SDK2: variants seen among roughly 807,000 people sequenced by gnomAD.
SDK2 encodes protein sidekick-2.
SDK2 carries 105 observed loss-of-function variants against 253.9 expected under a neutral mutation model. The observed-to-expected ratio is 0.41, with a 90% CI of 0.35 to 0.49. The LOEUF (loss-of-function observed/expected upper bound fraction) is 0.49. SDK2 is among the 20% of genes least tolerant of loss of function. SDK2 has a pLI of 0.06. For missense variants in SDK2, 2,608 were observed against 3,003.0 expected, an observed-to-expected ratio of 0.87 and a Z score of 3.07; for synonymous variants, 1,249 against 1,234.9, an observed-to-expected ratio of 1.01 and a Z score of -0.24.
intron 37 of SDK2, among the ~76,000 whole-genome samples, chr17:73,365,914 C>G (rs1049389359): frequency 3.3e-5 from 5 of 152,198 alleles, no homozygotes; most frequent in Admixed American, 3.3e-4. Flanking sequence ...CCCACGCAGT[C>G]AGGGGGAGCC....
Position 73,419,326 on chromosome 17 carries a change from T to C in SDK2, c.2046-20A>G. 1.2e-6 allele frequency: 2 copies of C among 1,607,756 alleles called. No homozygotes were observed. Among genetic ancestry groups the C allele is most frequent in the Admixed American group, 1.7e-5 (1 of 59,582 alleles). On this transcript the variant is annotated intron_variant, in intron 15 of 44. Transcript: ENST00000392650. The stretch of plus-strand genomic sequence containing the variant: ...GAGACCCTGGATCACAAAACACCAA[T>C]GCTCTTAGTCTTGGGGTCAAACACA...
intron 1 of SDK2, among the ~76,000 whole-genome samples, chr17:73,533,963 C>CGGCTTCA (rs1455588465): frequency 2.0e-5 from 3 of 152,112 alleles, no homozygotes; most frequent in Non-Finnish European, 4.4e-5. Context: ...AAACACAATG[C>CGGCTTCA]GGCAGCAGGA....
rs1307545667 is a variant in SDK2 at position 73,383,129 on chromosome 17, G to A, written c.4705+747C>T. Among the ~76,000 whole-genome samples the A allele has an allele frequency of 6.6e-6, 1 of 152,156 alleles. No individual in the cohort carries two copies. The highest frequency in any genetic ancestry group is 2.4e-5 in the African/African-American group (1 of 41,424). ...TCGGTCCACCCCGAGTCTGTGCCTC[G>A]GTTCCAACCTCCTGCTCTCTTGCCA... On this transcript the variant is annotated intron_variant, in intron 33 of 44. Coordinates refer to ENST00000392650, the MANE Select transcript of SDK2 (RefSeq NM_001144952.2). This position sits in a 1 kb window ranked among gnomAD's most constrained non-coding sequence, Gnocchi z 4.3.
intron 21 of SDK2, among the ~76,000 whole-genome samples, chr17:73,400,108 G>A (rs2063010075): frequency 6.6e-6 from 1 of 152,230 alleles, no homozygotes; most frequent in Admixed American, 6.5e-5. Context: ...GTGGAGGGAT[G>A]CTGGCAGGTC....
rs533579613 is a variant in SDK2 at position 73,467,825 on chromosome 17, A to C, written c.331+4287T>G. 2.9e-3 allele frequency among the ~76,000 whole-genome samples: 448 copies of C among 152,298 alleles called. 2 individuals are homozygous for C. Among genetic ancestry groups the C allele is most frequent in the Non-Finnish European group, 4.5e-3 (309 of 68,026 alleles). ...GACATTATGGAGGAAACAGCTTCAC[A>C]CCTGCAAAGCCGTGCACAGTAGCAG... is the stretch of plus-strand genomic sequence containing the variant. On this transcript the variant is annotated intron_variant, in intron 3 of 44. Coordinates refer to ENST00000392650, the MANE Select transcript of SDK2 (RefSeq NM_001144952.2). This position sits in a 1 kb window ranked among gnomAD's most constrained non-coding sequence, Gnocchi z 4.1.
intron 39 of SDK2, among the ~76,000 whole-genome samples, chr17:73,359,470 A>G (rs2145417454): frequency 6.6e-6 from 1 of 152,228 alleles, no homozygotes. Context: ...GGAGTATGGT[A>G]GGGCAGGCAG....
At chr17:73,589,569 G>A (rs765049597) in intron 1 of SDK2, among the ~76,000 whole-genome samples, 2 of 152,236 alleles carry the variant, frequency 1.3e-5, no homozygotes, top group Non-Finnish European at 2.9e-5. Flanking sequence ...GCAAAATGGG[G>A]ACATTGCTAC....
rs1248293954 is a variant in SDK2 at position 73,443,801 on chromosome 17, G to A, written c.614-2878C>T. Among the ~76,000 whole-genome samples the A allele has an allele frequency of 1.3e-5, 2 of 152,154 alleles. No individual in the cohort carries two copies. The highest frequency in any genetic ancestry group is 4.8e-5 in the African/African-American group (2 of 41,436). On this transcript the variant is annotated intron_variant, in intron 5 of 44. Transcript: ENST00000392650. The surrounding 1 kb of genome is among the most constrained non-coding windows in gnomAD (Gnocchi z 4.6). ...CTACTGAGTTTCAGTCTTCTCAGGGGGGAAATGGGGATGAAAGTCACTACC... is the reference window on the plus strand; with the variant it reads ...CTACTGAGTTTCAGTCTTCTCAGGGAGGAAATGGGGATGAAAGTCACTACC...
At chr17:73,543,549 C>T (rs981003550) in intron 1 of SDK2, among the ~76,000 whole-genome samples, 1 of 152,260 alleles carries the variant, frequency 6.6e-6, no homozygotes, top group African/African-American at 2.4e-5. Flanking sequence ...CTTCCCCAGA[C>T]TCTTCCGGCA....
rs1450214890 is a variant in SDK2, at chr17:73,455,867, A to ACCCCT, written c.479+34_479+38dup. The ACCCCT allele has an allele frequency of 1.3e-5, 19 of 1,498,008 alleles. No individual in the cohort carries two copies. In the African/African-American group the frequency reaches 2.7e-4, roughly 21 times the overall value. 92.8% of individuals were successfully genotyped at this position (1,498,008 alleles called of 1,614,324 possible). ...TGGCCCCAAACCTCCTCCCCCAGAC[A>ACCCCT]CCCCTCCCCTCCCCGTCCCCTCAGA... On this transcript the variant is annotated intron_variant, in intron 4 of 44. Coordinates refer to ENST00000392650, the MANE Select transcript of SDK2 (RefSeq NM_001144952.2). This position sits in a 1 kb window ranked among gnomAD's most constrained non-coding sequence, Gnocchi z 5.0.
chr17:73,580,950 T>C (rs2045526633), intron 1 of SDK2, among the ~76,000 whole-genome samples: 1 of 152,158 alleles, frequency 6.6e-6, no homozygotes, highest in South Asian at 2.1e-4. Flanking sequence ...TGGAGTGCAG[T>C]GGTATGAATA....
intron 18 of SDK2, among the ~76,000 whole-genome samples, chr17:73,405,384 G>A (rs1409516141): frequency 7.3e-5 from 9 of 122,508 alleles, no homozygotes; most frequent in Non-Finnish European, 1.5e-4. Flanking sequence ...AGGTTGCAGC[G>A]AGCCAAGATT....
At chr17:73,466,890 G>A (rs1489485708) in intron 3 of SDK2, among the ~76,000 whole-genome samples, 3 of 152,094 alleles carry the variant, frequency 2.0e-5, no homozygotes, top group Non-Finnish European at 4.4e-5. Context: ...GTCCAGAGAG[G>A]GGAAGGGAGG....
intron 1 of SDK2, among the ~76,000 whole-genome samples, chr17:73,522,741 C>T (rs1218291319): frequency 6.6e-6 from 1 of 152,192 alleles, no homozygotes; most frequent in Non-Finnish European, 1.5e-5. Context: ...GAACCTGGGG[C>T]CAGCAGCTGA....
At chr17:73,343,783 A>G (rs2062459791) in intron 44 of SDK2, among the ~76,000 whole-genome samples, 2 of 152,332 alleles carry the variant, frequency 1.3e-5, no homozygotes, top group South Asian at 4.2e-4. Context: ...AGGATCTGGC[A>G]CCAGACTCAG....
At chr17:73,470,516 G>A (rs767701155) in intron 3 of SDK2, among the ~76,000 whole-genome samples, 7 of 152,192 alleles carry the variant, frequency 4.6e-5, no homozygotes, top group Admixed American at 6.5e-5. Flanking sequence ...CTGACTAAGC[G>A]AAGCTCCCGG....
chr17:73,629,737 G>A lies in SDK2; in HGVS notation c.64+14288C>T, dbSNP rs575158923. Among the ~76,000 whole-genome samples the A allele has an allele frequency of 7.2e-5, 11 of 152,274 alleles. No homozygotes were observed. Among genetic ancestry groups the A allele is most frequent in the Admixed American group, 5.9e-4 (9 of 15,288 alleles). ...GTGAGCAATTTGAGGGCAAGGACCT[G>A]CCTTAGACTGGGCTGGATCCTGGGC... On this transcript the variant is annotated intron_variant, in intron 1 of 44. Transcript: ENST00000392650. The surrounding 1 kb of genome is among the most constrained non-coding windows in gnomAD (Gnocchi z 5.0).
Position 73,395,699 on chromosome 17 carries a change from G to GA in SDK2, c.3355-308dup, listed in dbSNP as rs1349962405. Among the ~76,000 whole-genome samples, 8 of 152,306 alleles carry GA rather than the reference G, an allele frequency of 5.3e-5. No individual in the cohort carries two copies. In the East Asian group the frequency reaches 1.5e-3, roughly 29 times the overall value. On this transcript the variant is annotated intron_variant, in intron 24 of 44. Transcript: ENST00000392650. The surrounding 1 kb of genome is among the most constrained non-coding windows in gnomAD (Gnocchi z 4.3). Reference sequence around the variant, plus strand: ...ACAAAGGCTGTGTGTCTGACACACCGATAGCACCGCCACCTTTGGCTCTGC... The same window carrying GA: ...ACAAAGGCTGTGTGTCTGACACACCGAATAGCACCGCCACCTTTGGCTCTGC...
rs191425456 is a variant in SDK2, at chr17:73,614,295, G to C, written c.64+29730C>G. On this transcript the variant is annotated intron_variant, in intron 1 of 44. Coordinates refer to ENST00000392650, the MANE Select transcript of SDK2 (RefSeq NM_001144952.2). ...ACAGTTAAGTGCAGGAAGGGGTCTC[G>C]CTCTTCCAGAAAGCTTCTCGAACCC... 3.9e-5 allele frequency among the ~76,000 whole-genome samples: 6 copies of C among 152,128 alleles called. No homozygotes were observed. In the East Asian group the frequency reaches 9.7e-4, roughly 25 times the overall value.
Sources: gnomAD v4.1 joint callset for allele counts (sites outside exome capture counted in the v4.1 genomes callset) on GRCh38, gnomAD v4.1.1 for gene constraint, Gnocchi (gnomAD v3.1) non-coding constraint, MANE v1.5 for transcripts, NCBI Gene and HGNC (gene_info 2026-07-23, HGNC 2026-07-21) for gene names.